Variants in MBP observed in about 807,000 individuals in gnomAD.
The protein encoded by MBP is myelin basic protein, also known as Golli-MBP.
Under a neutral mutation model 35.8 loss-of-function variants are expected in MBP, and 16 were observed. The observed-to-expected ratio is 0.45, with a 90% CI of 0.30 to 0.68. The LOEUF is 0.68. MBP is among the 30% of genes least tolerant of loss of function. The pLI is 0.08. For missense variants in MBP, 380 were observed against 404.7 expected (o/e 0.94, Z 0.52); for synonymous variants, 143 against 159.6 (o/e 0.90, Z 0.78).
intron 3 of MBP, among the ~76,000 whole-genome samples, chr18:77,063,397 A>AG (rs1399525883): frequency 6.6e-6 from 1 of 152,124 alleles, no homozygotes; most frequent in Non-Finnish European, 1.5e-5. Flanking sequence ...AGCCTCCCCT[A>AG]GGGTGGATGA....
At chr18:77,094,793 G>T (rs71360995) in intron 2 of MBP, among the ~76,000 whole-genome samples, 11,911 of 152,274 alleles carry the variant, frequency 0.078, 643 homozygotes, top group Non-Finnish European at 0.11. Context: ...TCCCAGGGGG[G>T]AGCCACTCGC....
At chr18:77,097,412 C>T (rs1158087716) in intron 2 of MBP, 1 of 152,274 alleles carries the variant, frequency 6.6e-6, no homozygotes, top group Non-Finnish European at 1.5e-5. Context: ...TCCATCTCCT[C>T]TGCATAACAA....
rs1420987101 is a variant in MBP at position 77,009,814 on chromosome 18, T to C, written c.576+7018A>G. 7 of 1,539,272 alleles carry C rather than the reference T, an allele frequency of 4.5e-6. No homozygotes were observed. In the African/African-American group the frequency reaches 6.9e-5, roughly 15 times the overall value. ...AGCTCAGGAAACGGCAGGTCACCCC[T>C]GGCCCCGATGGGTGAGGACCCGCCG... On this transcript the variant is annotated intron_variant, in intron 4 of 8. Transcript: ENST00000355994.
chr18:77,121,430 C>T (rs1976882342), intron 1 of MBP, among the ~76,000 whole-genome samples: 4 of 152,192 alleles, frequency 2.6e-5, no homozygotes. Context: ...GAGGCTTTAA[C>T]CCTGGCATTT....
At chr18:77,021,104 A>T (rs1265343611) in intron 3 of MBP, among the ~76,000 whole-genome samples, 2 of 152,186 alleles carry the variant, frequency 1.3e-5, no homozygotes, top group Admixed American at 1.3e-4. Flanking sequence ...CGCTCCGTAC[A>T]GCCTTGGTAT....
intron 2 of MBP, among the ~76,000 whole-genome samples, chr18:77,078,786 G>A (rs898960806): frequency 6.6e-6 from 1 of 152,240 alleles, no homozygotes; most frequent in Non-Finnish European, 1.5e-5. Context: ...TTGGCTGGCA[G>A]GGGCTGCCCC....
chr18:77,067,169 A>C (rs1974233376), intron 2 of MBP, among the ~76,000 whole-genome samples: 1 of 152,252 alleles, frequency 6.6e-6, no homozygotes, highest in African/African-American at 2.4e-5. Flanking sequence ...TAGAAAGTGC[A>C]CAGTGGCTGC....
intron 1 of MBP, among the ~76,000 whole-genome samples, chr18:77,121,357 G>C (rs565252210): frequency 6.6e-6 from 1 of 152,172 alleles, no homozygotes; most frequent in African/African-American, 2.4e-5. Flanking sequence ...AGTTCCTATA[G>C]TACGTGTTAT....
intron 4 of MBP, chr18:77,013,866 A>G (rs2123438557): frequency 2.0e-6 from 2 of 985,438 alleles, no homozygotes; most frequent in Non-Finnish European, 2.4e-6. Context: ...CATAAAAAGG[A>G]AGGAACGGTT....
chr18:77,069,378 T>C (rs1974338267), intron 2 of MBP, among the ~76,000 whole-genome samples: 1 of 152,344 alleles, frequency 6.6e-6, no homozygotes, highest in South Asian at 2.1e-4. Context: ...CCTGCTTCTA[T>C]GCTAATAGGA....
chr18:77,096,262 T>G (rs1416448105), intron 2 of MBP, among the ~76,000 whole-genome samples: 1 of 152,246 alleles, frequency 6.6e-6, no homozygotes. Flanking sequence ...CTTCAATGCC[T>G]TTGTGTATAT....
At chr18:76,992,798 C>T (rs1373772285) in intron 4 of MBP, among the ~76,000 whole-genome samples, 1 of 152,178 alleles carries the variant, frequency 6.6e-6, no homozygotes, top group African/African-American at 2.4e-5. Context: ...GAGCCAGAGC[C>T]CCAGCCCCAG....
intron 1 of MBP, among the ~76,000 whole-genome samples, chr18:77,119,698 G>A (rs187363722): frequency 4.6e-5 from 7 of 152,202 alleles, no homozygotes; most frequent in Non-Finnish European, 7.3e-5. Context: ...AGGACTTAAG[G>A]CTCCTCCCAG....
intron 3 of MBP, among the ~76,000 whole-genome samples, chr18:77,043,762 G>A (rs1239742287): frequency 1.3e-5 from 2 of 152,182 alleles, no homozygotes; most frequent in Admixed American, 1.3e-4. Context: ...AACTTTCCCA[G>A]GGGAGCCGGA....
chr18:76,990,284 G>T (rs1194855808), intron 4 of MBP, among the ~76,000 whole-genome samples: 3 of 151,970 alleles, frequency 2.0e-5, no homozygotes, highest in African/African-American at 4.8e-5. Flanking sequence ...GTGGAGATTT[G>T]TAGCAAAGCA....
Position 77,102,309 on chromosome 18 carries a change from A to G in MBP, c.51+2902T>C, listed in dbSNP as rs761755376. On this transcript the variant is annotated intron_variant, in intron 2 of 8. Coordinates refer to ENST00000355994, the MANE Select transcript of MBP (RefSeq NM_001025101.2). The surrounding 1 kb of genome is among the most constrained non-coding windows in gnomAD (Gnocchi z 4.4). ...GACAGAAACTTTCCTTGACTCTCTC[A>G]TAAGGGGGAAAAATGCCTCCCAGAA... 2.2e-4 allele frequency among the ~76,000 whole-genome samples: 33 copies of G among 152,188 alleles called. No homozygotes were observed. Among genetic ancestry groups the G allele is most frequent in the Non-Finnish European group, 4.4e-4 (30 of 68,022 alleles).
In MBP at chr18:77,003,144, T is replaced by C. The variant is rs1970727156; in HGVS notation, c.577-13084A>G. 1.3e-5 allele frequency: 2 copies of C among 152,210 alleles called. 1 individual carries two copies. Among genetic ancestry groups the C allele is most frequent in the South Asian group, 4.1e-4 (2 of 4,832 alleles). 9.4% of individuals were successfully genotyped at this position (152,210 alleles called of 1,614,324 possible). On this transcript the variant is annotated intron_variant, in intron 4 of 8. Transcript: ENST00000355994. ...TTTCTCTGTCATTTTAAAAGACGCA[T>C]TTCTATGTAATTAAAACAAAGGGCC... is the stretch of plus-strand genomic sequence containing the variant.
intron 3 of MBP, among the ~76,000 whole-genome samples, chr18:77,038,664 T>A (rs181927041): frequency 6.6e-6 from 1 of 152,366 alleles, no homozygotes; most frequent in Admixed American, 6.5e-5. Context: ...CATATATGCA[T>A]ATGCATGTCT....
intron 1 of MBP, among the ~76,000 whole-genome samples, chr18:77,120,448 T>A (rs1033195155): frequency 2.0e-5 from 3 of 152,200 alleles, no homozygotes; most frequent in Non-Finnish European, 1.5e-5. Context: ...GGTGTTTTTC[T>A]TCCTTTCAGG....
Sources: gnomAD v4.1 joint callset for allele counts (sites outside exome capture counted in the v4.1 genomes callset) on GRCh38, gnomAD v4.1.1 for gene constraint, Gnocchi (gnomAD v3.1) non-coding constraint, MANE v1.5 for transcripts, NCBI Gene and HGNC (gene_info 2026-07-23, HGNC 2026-07-21) for gene names.